The following SMC2 variants were observed in gnomAD, a reference collection of about 807,000 sequenced individuals.
SMC2 encodes the protein structural maintenance of chromosomes 2.
A neutral mutation model predicts 142.6 loss-of-function variants in SMC2; 41 were observed. The observed-to-expected ratio is 0.29, with a 90% CI of 0.22 to 0.37. The LOEUF is 0.37. Among genes scored for constraint, SMC2 ranks in the 10% least tolerant of loss-of-function variants. SMC2 has a pLI of 1.00. For missense variants in SMC2, 1,265 were observed against 1,373.7 expected (o/e 0.92, Z 1.25); for synonymous variants, 463 against 457.5 (o/e 1.01, Z -0.15).
intron 20 of SMC2, among the ~76,000 whole-genome samples, chr9:104,128,067 C>T (rs980617660): frequency 6.6e-6 from 1 of 152,162 alleles, no homozygotes; most frequent in African/African-American, 2.4e-5. Flanking sequence ...AAATTCATTG[C>T]TTGGTTAAGA....
chr9:104,115,947 G>C (rs1353236549), intron 13 of SMC2, among the ~76,000 whole-genome samples: 1 of 151,670 alleles, frequency 6.6e-6, no homozygotes, highest in African/African-American at 2.4e-5. Flanking sequence ...GTACAAGTGA[G>C]GTCATACAGT....
At chr9:104,138,191 G>A in intron 24 of SMC2, 26 bp downstream of exon 24, 10 of 1,552,520 alleles carry the variant, frequency 6.4e-6, no homozygotes, top group Non-Finnish European at 7.9e-6. Flanking sequence ...AAAAGTCTCA[G>A]TAATAGTTTA....
At chr9:104,095,846 T>C (rs1265694517) in intron 2 of SMC2, among the ~76,000 whole-genome samples, 1 of 152,218 alleles carries the variant, frequency 6.6e-6, no homozygotes, top group Admixed American at 6.5e-5. Flanking sequence ...TATTAATGGA[T>C]TGAATGACTA....
intron 21 of SMC2, among the ~76,000 whole-genome samples, chr9:104,130,588 A>T (rs757088777): frequency 1.5e-4 from 21 of 136,110 alleles, no homozygotes; most frequent in Non-Finnish European, 1.5e-5. Flanking sequence ...TTTTACCATA[A>T]TTTTTTTTAA....
intron 17 of SMC2, among the ~76,000 whole-genome samples, chr9:104,123,658 G>A (rs958966172): frequency 1.3e-5 from 2 of 152,020 alleles, no homozygotes; most frequent in African/African-American, 2.4e-5. Context: ...TTGCCCATGG[G>A]TTGCTCATGG....
intron 9 of SMC2, among the ~76,000 whole-genome samples, chr9:104,109,724 A>C (rs1434212296): frequency 1.3e-5 from 2 of 152,208 alleles, no homozygotes; most frequent in African/African-American, 4.8e-5. Flanking sequence ...TTTGCAGACA[A>C]ATACCATATT....
intron 1 of SMC2, 66 bp downstream of exon 1, chr9:104,094,543 G>T: frequency 2.7e-6 from 1 of 367,458 alleles, no homozygotes; most frequent in Admixed American, 4.6e-5. Context: ...GGCGGGAGGC[G>T]GGAGGCGGGG....
chr9:104,114,164 C>A, intron 12 of SMC2, 83 bp downstream of exon 12: 2 of 776,376 alleles, frequency 2.6e-6, no homozygotes, highest in South Asian at 2.1e-5. Flanking sequence ...AAAATTTTGT[C>A]GAAACCAAGA....
At chr9:104,108,535 C>T (rs1262925630) in intron 9 of SMC2, among the ~76,000 whole-genome samples, 1 of 152,150 alleles carries the variant, frequency 6.6e-6, no homozygotes, top group African/African-American at 2.4e-5. Flanking sequence ...TCTCGGGATC[C>T]ATCTGACTAC....
intron 18 of SMC2, among the ~76,000 whole-genome samples, chr9:104,125,493 C>A: frequency 6.6e-6 from 1 of 152,094 alleles, no homozygotes; most frequent in Middle Eastern, 3.2e-3. Context: ...TCTCTGAAAA[C>A]CCTGCAATCG....
In SMC2 at chr9:104,141,072, A is replaced by T. The variant is rs1836012043; in HGVS notation, c.*1757A>T. On this transcript the variant is annotated 3_prime_UTR_variant, in exon 25 of 25. Transcript: ENST00000374793. ...GTAACTTTTTTTCATTAGAGGGAAG[A>T]CATTAAGGGGATTGGGGACATTTGT... 1 of 152,196 alleles carries T rather than the reference A, an allele frequency of 6.6e-6. No homozygotes were observed. Among genetic ancestry groups the T allele is most frequent in the African/African-American group, 2.4e-5 (1 of 41,438 alleles). The allele number at this position is 152,196 out of a possible 1,614,324, so 9.4% of individuals were successfully genotyped here.
intron 9 of SMC2, among the ~76,000 whole-genome samples, chr9:104,108,908 C>T (rs1433995878): frequency 6.6e-6 from 1 of 152,242 alleles, no homozygotes; most frequent in Middle Eastern, 3.4e-3. Context: ...GGGTGGTCAG[C>T]ACATGATCCC....
At chr9:104,136,064 A>G (rs1440845452) in intron 23 of SMC2, 4 of 378,256 alleles carry the variant, frequency 1.1e-5, no homozygotes, top group Admixed American at 6.9e-5. Context: ...CTAAAAGGTC[A>G]TATGTCCTTA....
At chr9:104,101,020 C>T (rs1216787258) in intron 7 of SMC2, among the ~76,000 whole-genome samples, 1 of 152,124 alleles carries the variant, frequency 6.6e-6, no homozygotes, top group Non-Finnish European at 1.5e-5. Flanking sequence ...TCACTGCAGC[C>T]TCCACCTCCC....
In SMC2 at chr9:104,139,570, A is replaced by G. The variant is rs536843211; in HGVS notation, c.*255A>G. On this transcript the variant is annotated 3_prime_UTR_variant, in exon 25 of 25. Transcript: ENST00000374793. ...TGTTTTTTTCTTATGCGGGTCTTTT[A>G]TATATTAGGGATCCTGAGATACCCG... The G allele has an allele frequency of 3.3e-6, 1 of 299,050 alleles. No homozygotes were observed. Among genetic ancestry groups the G allele is most frequent in the Non-Finnish European group, 6.1e-6 (1 of 164,720 alleles). 18.5% of individuals were successfully genotyped at this position (299,050 alleles called of 1,614,324 possible).
intron 12 of SMC2, 120 bp downstream of exon 12, chr9:104,114,201 G>T: frequency 1.8e-6 from 1 of 548,024 alleles, no homozygotes; most frequent in South Asian, 3.1e-5. Flanking sequence ...GTTGTAAGCT[G>T]CTTTTCTTTC....
upstream of SMC2, among the ~76,000 whole-genome samples, chr9:104,094,102 G>A (rs1049597491): frequency 6.6e-6 from 1 of 152,110 alleles, no homozygotes; most frequent in East Asian, 1.9e-4. Flanking sequence ...GGACGCCGGT[G>A]TGAACATACA....
chr9:104,119,899 G>A, intron 15 of SMC2, 128 bp from the exon 16 acceptor site: 2 of 888,930 alleles, frequency 2.2e-6, no homozygotes, highest in East Asian at 2.5e-5. Context: ...TGAATTCCAT[G>A]GCTTCATAAG....
upstream of SMC2, chr9:104,092,139 C>G (rs922009309): frequency 2.0e-5 from 3 of 152,212 alleles, no homozygotes; most frequent in South Asian, 2.1e-4. Flanking sequence ...GTGATTTCCT[C>G]AAGTCCATTT....
Sources: allele counts gnomAD v4.1 joint callset (sites outside exome capture counted in the v4.1 genomes callset), GRCh38; gene constraint gnomAD v4.1.1; transcripts MANE v1.5; gene names NCBI Gene and HGNC (gene_info 2026-07-23, HGNC 2026-07-21).